The following WDHD1 variants were observed in gnomAD, a reference collection of about 807,000 sequenced individuals.
The protein encoded by WDHD1 is WD repeat and HMG-box DNA binding protein 1.
A neutral mutation model predicts 135.4 loss-of-function variants in WDHD1; 111 were observed. That is an observed-to-expected ratio of 0.82 (90% confidence interval 0.70 to 0.96). The LOEUF is 0.96. Ranked by LOEUF, WDHD1 falls within the 40% of genes least tolerant of loss-of-function variation. The pLI, the probability that WDHD1 is intolerant of heterozygous loss-of-function variation, is 0.00. For missense variants in WDHD1, 1,351 were observed against 1,336.3 expected, an observed-to-expected ratio of 1.01 and a Z score of -0.17; for synonymous variants, 434 against 439.0, an observed-to-expected ratio of 0.99 and a Z score of 0.14.
intron 2 of WDHD1, among the ~76,000 whole-genome samples, chr14:55,017,345 C>CT (rs915692103): frequency 3.1e-4 from 45 of 144,230 alleles, no homozygotes; most frequent in African/African-American, 6.9e-4. Flanking sequence ...AATCAATATT[C>CT]TTTTTTTTTC....
rs1245991740 is a variant in WDHD1 at position 54,940,084 on chromosome 14, A to G, written c.*1406T>C. On this transcript the variant is annotated 3_prime_UTR_variant, in exon 26 of 26. Transcript: ENST00000360586. Reference sequence around the variant, plus strand: ...CAGCATCATCATTATCAGAATAGTAACTAACATTTATATAAAAGATTACTA... The same window carrying G: ...CAGCATCATCATTATCAGAATAGTAGCTAACATTTATATAAAAGATTACTA... 1 of 152,210 alleles carries G rather than the reference A, an allele frequency of 6.6e-6. No individual in the cohort carries two copies. Among genetic ancestry groups the G allele is most frequent in the East Asian group, 1.9e-4 (1 of 5,196 alleles). The allele number at this position is 152,210 out of a possible 1,614,324, so 9.4% of individuals were successfully genotyped here.
chr14:54,955,894 C>CAT, intron 23 of WDHD1, among the ~76,000 whole-genome samples, 200 bp from the exon 24 acceptor site: 1 of 109,666 alleles, frequency 9.1e-6, no homozygotes, highest in Non-Finnish European at 1.9e-5. Flanking sequence ...TCCATGTTTT[C>CAT]CTTTTTTTTT....
At chr14:54,953,565 G>A (rs867103946) in intron 24 of WDHD1, among the ~76,000 whole-genome samples, 3 of 152,290 alleles carry the variant, frequency 2.0e-5, no homozygotes, top group South Asian at 4.1e-4. Flanking sequence ...GCGGTGTGGC[G>A]ATTCCTCAAG....
At chr14:54,984,676 C>G in intron 15 of WDHD1, 47 bp downstream of exon 15, 1 of 1,486,710 alleles carries the variant, frequency 6.7e-7, no homozygotes, top group Non-Finnish European at 9.0e-7. Flanking sequence ...TGAAGAATAT[C>G]TAACACTTTA....
chr14:54,955,011 G>C (rs1278172110), intron 24 of WDHD1, among the ~76,000 whole-genome samples: 1 of 152,182 alleles, frequency 6.6e-6, no homozygotes, highest in South Asian at 2.1e-4. Context: ...TTATAGGCGT[G>C]AGCCACCATG....
intron 21 of WDHD1, among the ~76,000 whole-genome samples, chr14:54,960,137 C>T (rs914022814): frequency 8.5e-5 from 13 of 152,136 alleles, no homozygotes; most frequent in African/African-American, 2.9e-4. Context: ...GGCCCTTATT[C>T]AATCTCATTT....
At position 54,981,535 on chromosome 14, in the gene WDHD1, C is replaced by T. The variant is rs900658617; in HGVS notation, c.2063+5G>A. The T allele has an allele frequency of 6.2e-7, 1 of 1,608,788 alleles. No homozygotes were observed. The highest frequency in any genetic ancestry group is 8.5e-7 in the Non-Finnish European group (1 of 1,178,386). On this transcript the variant is annotated splice_donor_5th_base_variant and intron_variant, in intron 16 of 25. Coordinates refer to ENST00000360586, the MANE Select transcript of WDHD1 (RefSeq NM_007086.4). ...GTCAACTTTAGACTTCTTTTAATAG[C>T]CCACCTTAGTTGCTGGGGATTTTCA...
At chr14:55,011,980 C>T (rs972320471) in intron 3 of WDHD1, among the ~76,000 whole-genome samples, 1 of 151,820 alleles carries the variant, frequency 6.6e-6, no homozygotes, top group Non-Finnish European at 1.5e-5. Flanking sequence ...AATTTTAATA[C>T]ACGGTATCAA....
At chr14:54,978,573 AT>A (rs1430166304) in intron 16 of WDHD1, among the ~76,000 whole-genome samples, 1 of 151,468 alleles carries the variant, frequency 6.6e-6, no homozygotes, top group East Asian at 1.9e-4. Context: ...CAAATGAGTG[AT>A]ACCCTGGCTC....
intron 7 of WDHD1, among the ~76,000 whole-genome samples, chr14:55,003,188 T>C (rs2042003320): frequency 6.6e-6 from 1 of 152,132 alleles, no homozygotes; most frequent in Non-Finnish European, 1.5e-5. Context: ...AGCTCAATTA[T>C]CACTTAAATC....
intron 16 of WDHD1, among the ~76,000 whole-genome samples, chr14:54,978,287 A>G (rs983197833): frequency 3.9e-5 from 6 of 152,218 alleles, no homozygotes; most frequent in Non-Finnish European, 8.8e-5. Flanking sequence ...AAGAACTACT[A>G]AAAATAGTGA....
At chr14:55,020,491 C>T (rs2042328052) in intron 2 of WDHD1, among the ~76,000 whole-genome samples, 1 of 152,202 alleles carries the variant, frequency 6.6e-6, no homozygotes, top group Admixed American at 6.6e-5. Flanking sequence ...GCTGGATCCT[C>T]TTTAACTTGA....
chr14:54,961,485 T>A (rs1228421466), intron 21 of WDHD1, among the ~76,000 whole-genome samples: 1 of 152,124 alleles, frequency 6.6e-6, no homozygotes, highest in African/African-American at 2.4e-5. Flanking sequence ...AGTTCACACA[T>A]ACTGTTCCTT....
At chr14:55,021,411 T>C (rs1475806593) in intron 2 of WDHD1, among the ~76,000 whole-genome samples, 1 of 152,060 alleles carries the variant, frequency 6.6e-6, no homozygotes, top group Non-Finnish European at 1.5e-5. Context: ...GCGTTCCTTT[T>C]TTTTTTTTTT....
At chr14:54,957,753 C>T in intron 21 of WDHD1, 118 bp from the exon 22 acceptor site, 1 of 776,544 alleles carries the variant, frequency 1.3e-6, no homozygotes, top group Non-Finnish European at 2.0e-6. Context: ...TATTTTGCAA[C>T]TTTTCAAAAC....
In WDHD1 at chr14:54,949,164, C is replaced by T. The variant is rs138138622; in HGVS notation, c.3051-4694G>A. On this transcript the variant is annotated intron_variant, in intron 24 of 25. Transcript: ENST00000360586. Reference sequence around the variant, plus strand: ...AAAGCTGGACGGAGAATGACTTTGACGAGTTGAGAGAAGAAGGCTTCAGAC... The same window carrying T: ...AAAGCTGGACGGAGAATGACTTTGATGAGTTGAGAGAAGAAGGCTTCAGAC... 5.2e-3 allele frequency among the ~76,000 whole-genome samples: 797 copies of T among 152,260 alleles called. 7 individuals carry two copies. The highest frequency in any genetic ancestry group is 0.018 in the African/African-American group (758 of 41,566).
intron 12 of WDHD1, 122 bp from the exon 13 acceptor site, chr14:54,989,334 G>C: frequency 3.0e-6 from 2 of 666,092 alleles, no homozygotes; most frequent in South Asian, 5.3e-5. Context: ...TAGGTTTTGG[G>C]AGTTACTACA....
At chr14:54,979,829 C>T (rs983234880) in intron 16 of WDHD1, among the ~76,000 whole-genome samples, 12 of 152,278 alleles carry the variant, frequency 7.9e-5, no homozygotes, top group Admixed American at 7.2e-4. Context: ...TCTAGGAATT[C>T]TTTTGCGTAT....
chr14:55,015,897 C>T (rs978532957), intron 2 of WDHD1, among the ~76,000 whole-genome samples: 8 of 152,096 alleles, frequency 5.3e-5, no homozygotes, highest in Admixed American at 5.2e-4. Context: ...TGGGGTTCCA[C>T]CATGTTGGCC....
Sources: gnomAD v4.1 joint callset for allele counts (sites outside exome capture counted in the v4.1 genomes callset) on GRCh38, gnomAD v4.1.1 for gene constraint, MANE v1.5 for transcripts, NCBI Gene and HGNC (gene_info 2026-07-23, HGNC 2026-07-21) for gene names.